The following TTC28 variants were observed in gnomAD, a reference collection of about 807,000 sequenced individuals.
TTC28 encodes the protein tetratricopeptide repeat protein 28.
In TTC28, 61 loss-of-function variants were observed where a neutral mutation model predicts 198.0. That is an observed-to-expected ratio of 0.31 (90% CI 0.25 to 0.38). TTC28 has a LOEUF of 0.38. Ranked by LOEUF, TTC28 falls within the 10% of genes least tolerant of loss-of-function variation. The pLI, the probability that TTC28 is intolerant of heterozygous loss-of-function variation, is 1.00. For synonymous variants in TTC28, 1,171 were observed against 1,297.8 expected, an observed-to-expected ratio of 0.90 and a Z score of 2.10; for missense variants, 2,678 against 3,164.0, an observed-to-expected ratio of 0.85 and a Z score of 3.69.
chr22:28,543,589 T>C (rs968349226), intron 2 of TTC28, among the ~76,000 whole-genome samples: 1 of 152,074 alleles, frequency 6.6e-6, no homozygotes, highest in African/African-American at 2.4e-5. Context: ...ACTTTGTATC[T>C]ATTAAAACAA....
rs959710240 is a variant in TTC28 at position 28,296,145 on chromosome 22, C to T, written c.933+53G>A. On this transcript the variant is annotated intron_variant, in intron 5 of 22. Transcript: ENST00000397906. The stretch of plus-strand genomic sequence containing the variant: ...TTTGTTTTTAACAGAAAATAGAGCT[C>T]CACATTTCCAAAAGAAAAAAAAATG... 8.6e-6 allele frequency: 13 copies of T among 1,509,980 alleles called. No homozygotes were observed. The Admixed American group carries it at 1.8e-4, about 21-fold the overall frequency. The allele number at this position is 1,509,980 out of a possible 1,614,324, so 93.5% of individuals were successfully genotyped here. A position where few individuals can be genotyped will look rare whatever the true frequency, so the allele number is the denominator to read the frequency against.
chr22:27,990,654 G>A (rs1937366870), intron 20 of TTC28, 135 bp downstream of exon 20: 2 of 781,920 alleles, frequency 2.6e-6, no homozygotes, highest in Non-Finnish European at 4.0e-6. Context: ...GTGCGCACCC[G>A]CGGGGGCGCC....
chr22:28,190,098 A>G (rs1924596291), intron 5 of TTC28, among the ~76,000 whole-genome samples: 1 of 152,212 alleles, frequency 6.6e-6, no homozygotes, highest in African/African-American at 2.4e-5. Context: ...CACCATGGTC[A>G]CACAGCTGAA....
intron 5 of TTC28, among the ~76,000 whole-genome samples, chr22:28,273,782 C>A (rs1932242214): frequency 6.6e-6 from 1 of 152,166 alleles, no homozygotes; most frequent in South Asian, 2.1e-4. Context: ...ACACAGCAAA[C>A]CACACCTACA....
At chr22:28,368,788 C>T (rs557762025) in intron 2 of TTC28, among the ~76,000 whole-genome samples, 8 of 152,090 alleles carry the variant, frequency 5.3e-5, no homozygotes, top group African/African-American at 1.9e-4. Context: ...AAAGTAATCT[C>T]ATTTATAATA....
chr22:28,564,910 A>T (rs1048750593), intron 2 of TTC28, among the ~76,000 whole-genome samples: 3 of 148,064 alleles, frequency 2.0e-5, no homozygotes. Flanking sequence ...TATGTAATTT[A>T]TATATAAATT....
In TTC28 at chr22:27,978,733, T is replaced by C. The variant is rs1005057359; in HGVS notation, c.*3488A>G. 4 of 152,264 alleles carry C rather than the reference T, an allele frequency of 2.6e-5. No individual in the cohort carries two copies. The highest frequency in any genetic ancestry group is 9.6e-5 in the African/African-American group (4 of 41,462). 9.4% of individuals were successfully genotyped at this position (152,264 alleles called of 1,614,324 possible). A position where few individuals can be genotyped will look rare whatever the true frequency, so the allele number is the denominator to read the frequency against. ...GTAAGTTTTAGTAGCAATTTTTCTC[T>C]TGATATTTTGACTTAATTAAAAAAA... On this transcript the variant is annotated 3_prime_UTR_variant, in exon 23 of 23. Transcript: ENST00000397906.
At chr22:28,061,140 G>A (rs1035819780) in intron 12 of TTC28, among the ~76,000 whole-genome samples, 3 of 152,130 alleles carry the variant, frequency 2.0e-5, no homozygotes, top group Admixed American at 6.5e-5. Context: ...TGGGTAGATT[G>A]CAAAAATTTT....
chr22:28,535,993 G>A (rs929122119), intron 2 of TTC28, among the ~76,000 whole-genome samples: 7 of 151,318 alleles, frequency 4.6e-5, no homozygotes, highest in Non-Finnish European at 8.8e-5. Context: ...GGCAGATCAC[G>A]AGGTCAGGAA....
chr22:28,549,926 T>C (rs1249202355), intron 2 of TTC28, among the ~76,000 whole-genome samples: 1 of 152,212 alleles, frequency 6.6e-6, no homozygotes, highest in Non-Finnish European at 1.5e-5. Context: ...AACTTCTAAA[T>C]TGAAAAGTCA....
At chr22:28,632,253 CTTTTTTT>C (rs765447917) in intron 1 of TTC28, among the ~76,000 whole-genome samples, 3 of 49,668 alleles carry the variant, frequency 6.0e-5, no homozygotes, top group Non-Finnish European at 1.1e-4. Flanking sequence ...TTATATTCAA[CTTTTTTT>C]TTTTTTTTTT....
At chr22:27,986,440 C>T (rs1937218097) in intron 21 of TTC28, 2 of 152,184 alleles carry the variant, frequency 1.3e-5, no homozygotes. Context: ...CAGACTAATA[C>T]AGACAGGGAC....
At chr22:28,348,144 T>A (rs533346027) in intron 2 of TTC28, among the ~76,000 whole-genome samples, 1 of 152,212 alleles carries the variant, frequency 6.6e-6, no homozygotes, top group East Asian at 1.9e-4. Context: ...TAGAAGAAGA[T>A]TCCCGTAGGG....
At chr22:28,641,180 C>T (rs1318150840) in intron 1 of TTC28, among the ~76,000 whole-genome samples, 3 of 151,974 alleles carry the variant, frequency 2.0e-5, no homozygotes, top group Non-Finnish European at 1.5e-5. Context: ...AACAATTAGC[C>T]GGGCGTGGTG....
At chr22:28,507,679 A>C (rs2048631272) in intron 2 of TTC28, among the ~76,000 whole-genome samples, 1 of 152,230 alleles carries the variant, frequency 6.6e-6, no homozygotes, top group African/African-American at 2.4e-5. Context: ...TCACCTACAA[A>C]GGGAAGCCTA....
chr22:28,371,429 G>C (rs1246878632), intron 2 of TTC28, among the ~76,000 whole-genome samples: 26 of 131,648 alleles, frequency 2.0e-4, no homozygotes, highest in African/African-American at 7.3e-4. Context: ...AGGATCACTT[G>C]AGCCAGGGAG....
chr22:28,226,633 G>A (rs184206388), intron 5 of TTC28, among the ~76,000 whole-genome samples: 1 of 152,206 alleles, frequency 6.6e-6, no homozygotes, highest in East Asian at 1.9e-4. Context: ...TCACCATGTT[G>A]GCCAGGCTGG....
At chr22:28,153,913 A>C (rs1237626513) in intron 6 of TTC28, among the ~76,000 whole-genome samples, 2 of 152,172 alleles carry the variant, frequency 1.3e-5, no homozygotes, top group African/African-American at 4.8e-5. Context: ...CCAATACTAG[A>C]GGCGATCAGG....
intron 2 of TTC28, among the ~76,000 whole-genome samples, chr22:28,537,331 A>ATAACATAACATAACAT (rs2049312990): frequency 7.5e-6 from 1 of 132,702 alleles, no homozygotes; most frequent in Non-Finnish European, 1.8e-5. Context: ...AATAAAATAA[A>ATAACATAACATAACAT]ATAAAATAAA....
Sources: gnomAD v4.1 joint callset for allele counts (sites outside exome capture counted in the v4.1 genomes callset) on GRCh38, gnomAD v4.1.1 for gene constraint, MANE v1.5 for transcripts, NCBI Gene and HGNC (gene_info 2026-07-23, HGNC 2026-07-21) for gene names.